NELL1: variants seen among roughly 807,000 people sequenced by gnomAD.
NELL1 encodes the protein protein kinase C-binding protein NELL1.
NELL1 carries 76 observed loss-of-function variants against 107.4 expected under a neutral mutation model. The ratio of observed to expected loss-of-function variants is 0.71; its 90% CI spans 0.59 to 0.86. The LOEUF (loss-of-function observed/expected upper bound fraction) is 0.86, where lower values mean the gene tolerates loss of function less well. Ranked by LOEUF, NELL1 falls within the 40% of genes least tolerant of loss-of-function variation. NELL1 has a pLI of 0.00. For synonymous variants in NELL1, 353 were observed against 341.2 expected (o/e 1.03, Z -0.38); for missense variants, 1,024 against 1,005.5 (o/e 1.02, Z -0.25).
At chr11:21,127,426 C>T (rs1259254130) in intron 13 of NELL1, among the ~76,000 whole-genome samples, 2 of 151,960 alleles carry the variant, frequency 1.3e-5, no homozygotes, top group African/African-American at 4.8e-5. Flanking sequence ...AGCAATCTGT[C>T]TCTACAAAAG....
At chr11:21,335,631 G>C (rs1850372508) in intron 14 of NELL1, among the ~76,000 whole-genome samples, 1 of 152,016 alleles carries the variant, frequency 6.6e-6, no homozygotes, top group Non-Finnish European at 1.5e-5. Flanking sequence ...CAGGGCATCT[G>C]GGAAGTTGTC....
intron 12 of NELL1, among the ~76,000 whole-genome samples, chr11:21,008,790 C>T (rs1852384806): frequency 6.6e-6 from 1 of 151,978 alleles, no homozygotes; most frequent in Non-Finnish European, 1.5e-5. Flanking sequence ...ACCAGCTCTT[C>T]TAGTAACTCA....
intron 2 of NELL1, among the ~76,000 whole-genome samples, chr11:20,707,942 A>G (rs1410557937): frequency 1.3e-5 from 2 of 152,178 alleles, no homozygotes; most frequent in East Asian, 1.9e-4. Context: ...CTGCCCCCAG[A>G]GCTGGAGTAT....
intron 13 of NELL1, among the ~76,000 whole-genome samples, chr11:21,177,670 CT>C (rs1856741423): frequency 6.6e-6 from 1 of 151,754 alleles, no homozygotes; most frequent in African/African-American, 2.4e-5. Context: ...TAATTTTATT[CT>C]TAGTTTTTGG....
chr11:21,391,791 T>G (rs1412496074), intron 15 of NELL1, among the ~76,000 whole-genome samples: 1 of 149,722 alleles, frequency 6.7e-6, no homozygotes, highest in Non-Finnish European at 1.5e-5. Flanking sequence ...GGTGCATGCA[T>G]TTTTCCCTTA....
At chr11:21,275,329 A>G (rs923033094) in intron 14 of NELL1, among the ~76,000 whole-genome samples, 1 of 152,142 alleles carries the variant, frequency 6.6e-6, no homozygotes, top group African/African-American at 2.4e-5. Context: ...AGACACATAC[A>G]CCCTCCTGAG....
chr11:21,086,473 A>G (rs1854394416), intron 12 of NELL1, among the ~76,000 whole-genome samples: 1 of 152,182 alleles, frequency 6.6e-6, no homozygotes, highest in African/African-American at 2.4e-5. Flanking sequence ...GGTCATCAAT[A>G]TAGTAGCTAA....
chr11:21,196,264 A>G (rs1857149405), intron 13 of NELL1, among the ~76,000 whole-genome samples: 1 of 152,170 alleles, frequency 6.6e-6, no homozygotes, highest in South Asian at 2.1e-4. Context: ...CAATTCTTAC[A>G]GAGGTTGACG....
chr11:21,161,042 CAT>C (rs1856356357), intron 13 of NELL1, among the ~76,000 whole-genome samples: 3 of 141,266 alleles, frequency 2.1e-5, no homozygotes, highest in African/African-American at 7.9e-5. Context: ...CACACACACA[CAT>C]TTATTAGTAT....
At chr11:21,164,121 A>G (rs1856431484) in intron 13 of NELL1, among the ~76,000 whole-genome samples, 1 of 152,184 alleles carries the variant, frequency 6.6e-6, no homozygotes, top group African/African-American at 2.4e-5. Flanking sequence ...TCTAGCCTCC[A>G]GAACTGTGGG....
chr11:20,689,368 C>T (rs1373853918), intron 2 of NELL1, among the ~76,000 whole-genome samples: 3 of 151,308 alleles, frequency 2.0e-5, no homozygotes, highest in Non-Finnish European at 2.9e-5. Flanking sequence ...ATGTGTCATG[C>T]TGGTGTGCTG....
At chr11:21,215,887 G>T (rs1857602234) in intron 13 of NELL1, among the ~76,000 whole-genome samples, 1 of 152,176 alleles carries the variant, frequency 6.6e-6, no homozygotes, top group East Asian at 1.9e-4. Flanking sequence ...CAAGCCCACT[G>T]CAGAAATTTG....
intron 15 of NELL1, among the ~76,000 whole-genome samples, chr11:21,513,849 G>C (rs1168957332): frequency 6.6e-6 from 1 of 152,116 alleles, no homozygotes; most frequent in Non-Finnish European, 1.5e-5. Context: ...CTTGAGTTTG[G>C]TTCAATTTGA....
intron 15 of NELL1, among the ~76,000 whole-genome samples, chr11:21,466,639 T>G (rs1854039522): frequency 6.6e-6 from 1 of 152,090 alleles, no homozygotes; most frequent in Non-Finnish European, 1.5e-5. Context: ...CCCCAGTGCA[T>G]AAAATGGATA....
chr11:21,171,476 C>T (rs1856605771), intron 13 of NELL1, among the ~76,000 whole-genome samples: 1 of 151,836 alleles, frequency 6.6e-6, no homozygotes, highest in South Asian at 2.1e-4. Context: ...TTGTAAATTG[C>T]TGTTTCACTT....
chr11:21,465,144 G>A (rs1327238473), intron 15 of NELL1, among the ~76,000 whole-genome samples: 1 of 152,048 alleles, frequency 6.6e-6, no homozygotes, highest in African/African-American at 2.4e-5. Flanking sequence ...ATATCCTTAA[G>A]ATTCTTGAGG....
chr11:20,713,674 A>C (rs1327890180), intron 2 of NELL1, among the ~76,000 whole-genome samples: 2 of 152,084 alleles, frequency 1.3e-5, no homozygotes, highest in Admixed American at 6.6e-5. Flanking sequence ...GATTTTACTC[A>C]AGAAAATTTG....
At chr11:20,833,982 TAAG>T (rs977212126) in intron 3 of NELL1, among the ~76,000 whole-genome samples, 25 of 152,164 alleles carry the variant, frequency 1.6e-4, no homozygotes, top group African/African-American at 5.8e-4. Context: ...TCAATAGTAA[TAAG>T]AAGACACTGA....
At chr11:21,454,411 C>T (rs1383540337) in intron 15 of NELL1, among the ~76,000 whole-genome samples, 3 of 152,050 alleles carry the variant, frequency 2.0e-5, no homozygotes, top group Non-Finnish European at 4.4e-5. Flanking sequence ...GGCTTTATAG[C>T]AGCATGATTT....
Sources: allele counts gnomAD v4.1 joint callset (sites outside exome capture counted in the v4.1 genomes callset), GRCh38; gene constraint gnomAD v4.1.1; transcripts MANE v1.5; gene names NCBI Gene and HGNC (gene_info 2026-07-23, HGNC 2026-07-21).